The following CD72 variants were observed in gnomAD, a reference collection of about 807,000 sequenced individuals.
The protein encoded by CD72 is CD72 molecule.
CD72 carries 28 observed loss-of-function variants against 50.7 expected under a neutral mutation model. The observed-to-expected ratio is 0.55, with a 90% CI of 0.41 to 0.76. The LOEUF is 0.76. Ranked by LOEUF, CD72 falls within the 30% of genes least tolerant of loss-of-function variation. The pLI is 0.00. For synonymous variants in CD72, 176 were observed against 171.2 expected (o/e 1.03, Z -0.22); for missense variants, 403 against 420.6 (o/e 0.96, Z 0.37).
rs1163125056 is a variant in CD72, at chr9:35,610,706, G to C, written c.998C>G (p.Ser333Ter). The change falls in exon 8 of 9, where the codon TCA (serine) becomes TGA (stop). Residue 333 changes from serine to a stop codon, truncating the protein, a stop_gained. Transcript: ENST00000259633. LOFTEE classifies it high-confidence loss of function. ...TGACTCTGACTCCAGTGTCCACCAT[G>C]ACCAAGTTTTATGTACCTTGTTACA... is the stretch of plus-strand genomic sequence containing the variant. ...SKCNKVHKTW[S>*]WWTLESESCR... 1 of 1,612,110 alleles carries C rather than the reference G, an allele frequency of 6.2e-7. No homozygotes were observed. Among genetic ancestry groups the C allele is most frequent in the Non-Finnish European group, 8.5e-7 (1 of 1,178,304 alleles).
chr9:35,645,211 A>AG (rs1410001898), intron 1 of CD72, among the ~76,000 whole-genome samples: 1 of 151,332 alleles, frequency 6.6e-6, no homozygotes, highest in Non-Finnish European at 1.5e-5. Context: ...AAAAAAAAAA[A>AG]AAAAAGGAAT....
At chr9:35,612,719 A>T in intron 6 of CD72, 129 bp downstream of exon 6, 1 of 828,458 alleles carries the variant, frequency 1.2e-6, no homozygotes, top group Non-Finnish European at 2.0e-6. Flanking sequence ...GAGTATTATG[A>T]TTCTCAGTTT....
upstream of CD72, among the ~76,000 whole-genome samples, chr9:35,623,131 T>TA (rs772227937): frequency 6.6e-6 from 1 of 151,622 alleles, no homozygotes; most frequent in Admixed American, 6.6e-5. Flanking sequence ...AAAATTAAAA[T>TA]AAAAAAAAGA....
intron 1 of CD72, among the ~76,000 whole-genome samples, chr9:35,631,426 C>T (rs10972531): frequency 0.45 from 68,620 of 151,940 alleles, 17,059 homozygotes; most frequent in South Asian, 0.57. Context: ...AGTGTTTCAC[C>T]ATTGAGAACC....
chr9:35,628,801 T>C (rs1823218924), intron 1 of CD72, among the ~76,000 whole-genome samples: 1 of 152,242 alleles, frequency 6.6e-6, no homozygotes, highest in Admixed American at 6.5e-5. Flanking sequence ...GGGCGCATGT[T>C]CTACACTGGC....
At chr9:35,625,615 A>G (rs550975457) in intron 1 of CD72, among the ~76,000 whole-genome samples, 2 of 152,376 alleles carry the variant, frequency 1.3e-5, no homozygotes, top group African/African-American at 2.4e-5. Context: ...TTATTGGAGA[A>G]GAGGCCATCT....
At chr9:35,629,045 A>C (rs1269700307) in intron 1 of CD72, among the ~76,000 whole-genome samples, 3 of 151,558 alleles carry the variant, frequency 2.0e-5, no homozygotes, top group African/African-American at 7.3e-5. Flanking sequence ...TGGCTAATTA[A>C]ATTTTTTTTT....
chr9:35,619,779 A>C (rs1182634830), upstream of CD72, among the ~76,000 whole-genome samples: 1 of 152,214 alleles, frequency 6.6e-6, no homozygotes, highest in Non-Finnish European at 1.5e-5. Context: ...CTGTGGGCTG[A>C]AGGCTGCCTG....
upstream of CD72, among the ~76,000 whole-genome samples, chr9:35,619,733 C>T (rs1053756156): frequency 2.0e-5 from 3 of 152,146 alleles, no homozygotes; most frequent in Non-Finnish European, 2.9e-5. Context: ...GTGAGGTGAG[C>T]GGCTATGTCA....
upstream of CD72, among the ~76,000 whole-genome samples, chr9:35,622,295 C>T (rs1221057814): frequency 1.3e-5 from 2 of 152,186 alleles, no homozygotes; most frequent in Admixed American, 6.6e-5. Flanking sequence ...TCTTTGATCA[C>T]TGAAGCCAAA....
upstream of CD72, chr9:35,619,561 G>C (rs985452427): frequency 6.6e-6 from 1 of 152,288 alleles, no homozygotes; most frequent in Non-Finnish European, 1.5e-5. Context: ...GACACTGCCA[G>C]GGACCCTAGA....
At chr9:35,611,304 CCT>C (rs1822980369) in intron 7 of CD72, among the ~76,000 whole-genome samples, 1 of 152,076 alleles carries the variant, frequency 6.6e-6, no homozygotes, top group Middle Eastern at 3.2e-3. Flanking sequence ...AGGTTGCCAC[CCT>C]GTTTCAGGGT....
chr9:35,631,522 G>A (rs993369362), intron 1 of CD72, among the ~76,000 whole-genome samples: 1 of 151,974 alleles, frequency 6.6e-6, no homozygotes, highest in Non-Finnish European at 1.5e-5. Context: ...GTTTTTTTGG[G>A]AATAGTATCA....
chr9:35,636,303 T>C (rs1316877726), intron 1 of CD72, among the ~76,000 whole-genome samples: 1 of 152,162 alleles, frequency 6.6e-6, no homozygotes, highest in East Asian at 1.9e-4. Flanking sequence ...GTGTAGCCTT[T>C]GGTTCTATTT....
chr9:35,610,496 C>G, intron 8 of CD72, 106 bp downstream of exon 8: 1 of 665,794 alleles, frequency 1.5e-6, no homozygotes, highest in Non-Finnish European at 2.3e-6. Flanking sequence ...ACTTTCATCC[C>G]AGGTACAAGT....
intron 1 of CD72, among the ~76,000 whole-genome samples, chr9:35,638,668 T>C (rs1219848090): frequency 1.3e-5 from 2 of 151,286 alleles, no homozygotes; most frequent in East Asian, 1.9e-4. Context: ...AATGTCATCC[T>C]GACTTCCACC....
intron 1 of CD72, among the ~76,000 whole-genome samples, chr9:35,625,651 AG>A (rs1823189262): frequency 6.6e-6 from 1 of 152,242 alleles, no homozygotes; most frequent in Non-Finnish European, 1.5e-5. Flanking sequence ...GGAGAAGAAA[AG>A]TCAGTGCCTG....
upstream of CD72, among the ~76,000 whole-genome samples, chr9:35,621,443 C>T (rs1378212705): frequency 6.6e-6 from 1 of 152,222 alleles, no homozygotes; most frequent in African/African-American, 2.4e-5. Context: ...CTCTGAAAGT[C>T]AGGCTATATC....
chr9:35,621,362 AG>A (rs1313741453), upstream of CD72, among the ~76,000 whole-genome samples: 1 of 152,318 alleles, frequency 6.6e-6, no homozygotes, highest in East Asian at 1.9e-4. Flanking sequence ...GCCATGTGGA[AG>A]GGGGCTCACC....
Sources: allele counts gnomAD v4.1 joint callset (sites outside exome capture counted in the v4.1 genomes callset), GRCh38; gene constraint gnomAD v4.1.1; transcripts MANE v1.5; gene names NCBI Gene and HGNC (gene_info 2026-07-23, HGNC 2026-07-21).